Variants in CLASP1 observed in about 807,000 individuals in gnomAD.
The protein encoded by CLASP1 is cytoplasmic linker associated protein 1.
A neutral mutation model predicts 192.3 loss-of-function variants in CLASP1; 38 were observed. The observed-to-expected ratio is 0.20, with a 90% CI of 0.15 to 0.26. The LOEUF is 0.26. Among genes scored for constraint, CLASP1 ranks in the 10% least tolerant of loss-of-function variants. The pLI is 1.00. For synonymous variants in CLASP1, 691 were observed against 712.8 expected (o/e 0.97, Z 0.49); for missense variants, 1,433 against 1,932.5 (o/e 0.74, Z 4.85).
chr2:121,595,575 A>C (rs1244406699), intron 2 of CLASP1, among the ~76,000 whole-genome samples: 1 of 152,234 alleles, frequency 6.6e-6, no homozygotes, highest in Non-Finnish European at 1.5e-5. Flanking sequence ...AATCAAGTGA[A>C]ATCTTCCTAA....
chr2:121,494,567 T>C (rs990275125), intron 8 of CLASP1, among the ~76,000 whole-genome samples: 8 of 152,166 alleles, frequency 5.3e-5, no homozygotes, highest in Admixed American at 2.6e-4. Flanking sequence ...TCAATATTTA[T>C]TGTACATTTA....
At chr2:121,586,140 T>G (rs1456427288) in intron 2 of CLASP1, among the ~76,000 whole-genome samples, 1 of 152,140 alleles carries the variant, frequency 6.6e-6, no homozygotes, top group Non-Finnish European at 1.5e-5. Context: ...CTTTTTTTCT[T>G]TTTTTGAGAC....
rs1178818616 is a variant in CLASP1, at chr2:121,503,374, C to T, written c.645-140G>A. 6.7e-6 allele frequency: 4 copies of T among 598,002 alleles called. No individual in the cohort carries two copies. The Admixed American group carries it at 1.2e-4, about 17-fold the overall frequency. 37.0% of individuals were successfully genotyped at this position (598,002 alleles called of 1,614,324 possible). On this transcript the variant is annotated intron_variant, in intron 7 of 39. Coordinates refer to ENST00000263710, the Ensembl canonical transcript of CLASP1. ...GACCCACCTAGTAACAAAACAGTGA[C>T]TCAATCAATAACATTAACAATAGCC... is the stretch of plus-strand genomic sequence containing the variant.
chr2:121,630,932 G>C (rs2069451878), intron 1 of CLASP1, among the ~76,000 whole-genome samples: 2 of 151,406 alleles, frequency 1.3e-5, no homozygotes, highest in African/African-American at 4.8e-5. Context: ...GGCCGAGGTG[G>C]GTGGATCACA....
chr2:121,426,631 T>G (rs945630535), intron 21 of CLASP1, among the ~76,000 whole-genome samples: 4 of 152,158 alleles, frequency 2.6e-5, no homozygotes, highest in African/African-American at 9.7e-5. Flanking sequence ...AAATTGTGTA[T>G]TAAGCCTCAA....
At chr2:121,409,118 T>G in intron 24 of CLASP1, 2 of 1,306,422 alleles carry the variant, frequency 1.5e-6, no homozygotes, top group Non-Finnish European at 2.1e-6. Context: ...ATGTAGGGAT[T>G]GTTCTTGCAA....
chr2:121,479,621 A>G (rs1245909874), intron 8 of CLASP1, among the ~76,000 whole-genome samples: 1 of 152,222 alleles, frequency 6.6e-6, no homozygotes, highest in African/African-American at 2.4e-5. Context: ...TGCAAAACAC[A>G]CTGTCTGAAT....
chr2:121,478,712 A>ACCC (rs2092031258), intron 8 of CLASP1, among the ~76,000 whole-genome samples: 1 of 44,204 alleles, frequency 2.3e-5, no homozygotes, highest in Non-Finnish European at 4.4e-5. Context: ...CACCCCACAC[A>ACCC]CACAACCACA....
chr2:121,469,748 C>T, intron 9 of CLASP1, 60 bp downstream of exon 9: 1 of 1,536,212 alleles, frequency 6.5e-7, no homozygotes, highest in Non-Finnish European at 8.8e-7. Context: ...AGTACGTGCA[C>T]CTCTGGTTTG....
intron 36 of CLASP1, 121 bp from the exon 38 acceptor site, chr2:121,363,421 C>T (rs2066780346): frequency 6.3e-6 from 7 of 1,105,570 alleles, no homozygotes; most frequent in East Asian, 5.0e-5. Flanking sequence ...CTCGCAGAAC[C>T]CTCTAAACAG....
At position 121,636,690 on chromosome 2, in the gene CLASP1, A is replaced by C. The variant is rs554474231; in HGVS notation, c.-286+12682T>G. Among the ~76,000 whole-genome samples, 41 of 152,164 alleles carry C rather than the reference A, an allele frequency of 2.7e-4. No individual in the cohort carries two copies. The South Asian group carries it at 8.5e-3, about 32-fold the overall frequency. On this transcript the variant is annotated intron_variant, in intron 1 of 39. Transcript: ENST00000263710. ...CAAAAAAATAACAATAATAATAATA[A>C]ATTTTTTAAAAAATTTCAGACATCC...
At chr2:121,570,628 G>A (rs1178909973) in intron 2 of CLASP1, among the ~76,000 whole-genome samples, 1 of 152,222 alleles carries the variant, frequency 6.6e-6, no homozygotes, top group Non-Finnish European at 1.5e-5. Flanking sequence ...AAGAGAGGGT[G>A]AGTGTATCAA....
chr2:121,458,663 G>C (rs2087206142), intron 13 of CLASP1, among the ~76,000 whole-genome samples, 177 bp downstream of exon 13: 1 of 152,090 alleles, frequency 6.6e-6, no homozygotes, highest in African/African-American at 2.4e-5. Context: ...ATTATAAAAA[G>C]CTCACATGCC....
exon 40 of CLASP1, chr2:121,337,850 C>A (rs1573438188): frequency 6.7e-6 from 1 of 149,820 alleles, no homozygotes; most frequent in African/African-American, 2.5e-5. Context: ...AATCCTAGCA[C>A]ATTATTAACA....
intron 2 of CLASP1, among the ~76,000 whole-genome samples, chr2:121,555,987 G>A (rs890546170): frequency 8.1e-5 from 6 of 73,864 alleles, no homozygotes; most frequent in African/African-American, 3.9e-4. Context: ...CCTACCCACC[G>A]CTTTTTTTTT....
At chr2:121,387,871 C>T (rs1251616547) in exon 31 of CLASP1, 1 of 1,612,332 alleles carries the variant, frequency 6.2e-7, no homozygotes, top group Non-Finnish European at 8.5e-7. Flanking sequence ...CAGGAGTATT[C>T]AATTCAAACA....
intron 6 of CLASP1, among the ~76,000 whole-genome samples, chr2:121,519,891 T>C (rs769685413): frequency 6.6e-6 from 1 of 152,228 alleles, no homozygotes; most frequent in Non-Finnish European, 1.5e-5. Flanking sequence ...AATGCAGCTA[T>C]TCACTTCTAC....
rs2086986887 is a variant in CLASP1 at position 121,457,658 on chromosome 2, A to C, written c.1385+29T>G. 5 of 1,568,584 alleles carry C rather than the reference A, an allele frequency of 3.2e-6. No individual in the cohort carries two copies. The East Asian group carries it at 1.1e-4, about 35-fold the overall frequency. The stretch of plus-strand genomic sequence containing the variant: ...TTGTTTTGGTTTTTAAACAATTCAA[A>C]AACAATGAGAAAATCCTTTAAAATT... On this transcript the variant is annotated intron_variant, in intron 14 of 39. Coordinates refer to ENST00000263710, the Ensembl canonical transcript of CLASP1.
chr2:121,367,174 C>A (rs2149260919), intron 35 of CLASP1, among the ~76,000 whole-genome samples: 1 of 152,326 alleles, frequency 6.6e-6, no homozygotes, highest in Middle Eastern at 3.4e-3. Flanking sequence ...CACTCCACAG[C>A]TCGGGGAGCT....
Sources: gnomAD v4.1 joint callset for allele counts (sites outside exome capture counted in the v4.1 genomes callset) on GRCh38, gnomAD v4.1.1 for gene constraint, MANE v1.5 for transcripts, NCBI Gene and HGNC (gene_info 2026-07-23, HGNC 2026-07-21) for gene names.